The following EYS variants were observed in gnomAD, a reference collection of about 807,000 sequenced individuals.
EYS encodes the protein protein eyes shut homolog.
EYS carries 250 observed loss-of-function variants against 282.1 expected under a neutral mutation model. The observed-to-expected ratio is 0.89, with a 90% confidence interval of 0.80 to 0.98. The LOEUF (loss-of-function observed/expected upper bound fraction) is 0.98. EYS is among the 50% of genes least tolerant of loss of function. The pLI is 0.00. For synonymous variants in EYS, 1,355 were observed against 1,282.9 expected (o/e 1.06, Z -1.20); for missense variants, 4,016 against 3,709.0 (o/e 1.08, Z -2.15).
At chr6:64,410,534 T>C (rs1270530355) in intron 28 of EYS, among the ~76,000 whole-genome samples, 1 of 152,192 alleles carries the variant, frequency 6.6e-6, no homozygotes, top group Non-Finnish European at 1.5e-5. Flanking sequence ...TGGATTTAAA[T>C]GAAAACTAAA....
intron 5 of EYS, among the ~76,000 whole-genome samples, chr6:65,481,325 T>C (rs994104204): frequency 1.1e-4 from 16 of 144,992 alleles, no homozygotes; most frequent in Admixed American, 5.7e-4. Flanking sequence ...TTGGCATATA[T>C]GTATATCTGT....
chr6:64,170,616 G>A (rs1335150840), intron 31 of EYS, among the ~76,000 whole-genome samples: 1 of 150,096 alleles, frequency 6.7e-6, no homozygotes, highest in African/African-American at 2.5e-5. Flanking sequence ...TCTCCTTATA[G>A]CAGCACCAGT....
chr6:65,496,539 TA>T lies in EYS; in HGVS notation c.-332-547del, dbSNP rs1766264567. On this transcript the variant is annotated intron_variant, in intron 2 of 42. Coordinates refer to ENST00000503581, the MANE Select transcript of EYS (RefSeq NM_001142800.2). ...AAAAACGTGTTCTTTGGATCTCAGT[TA>T]TGTTATTCATTTGTTTAATGTCCTT... is the stretch of plus-strand genomic sequence containing the variant. Among the ~76,000 whole-genome samples, 9 of 152,216 alleles carry T rather than the reference TA, an allele frequency of 5.9e-5. No homozygotes were observed. The South Asian group carries it at 1.9e-3, about 32-fold the overall frequency.
At chr6:64,207,606 G>A (rs1198690362) in intron 31 of EYS, among the ~76,000 whole-genome samples, 1 of 152,100 alleles carries the variant, frequency 6.6e-6, no homozygotes, top group Non-Finnish European at 1.5e-5. Context: ...GGAAGAAAAT[G>A]GGCTCTTTTT....
chr6:63,788,990 C>A (rs937666676), intron 38 of EYS, 68 bp downstream of exon 38: 33 of 1,482,076 alleles, frequency 2.2e-5, no homozygotes, highest in African/African-American at 2.8e-5. Flanking sequence ...ACCTCTGTAT[C>A]TTAGCACAGA....
At chr6:64,344,333 G>A (rs1442350782) in intron 29 of EYS, among the ~76,000 whole-genome samples, 1 of 151,786 alleles carries the variant, frequency 6.6e-6, no homozygotes, top group Admixed American at 6.6e-5. Context: ...ACCGAATCCA[G>A]CAGCACATCA....
intron 32 of EYS, among the ~76,000 whole-genome samples, chr6:64,080,616 C>T (rs1771932655): frequency 6.6e-6 from 1 of 152,168 alleles, no homozygotes; most frequent in South Asian, 2.1e-4. Context: ...GTGTTTTAGA[C>T]ATGAAGTCCT....
chr6:65,132,470 A>T (rs1412898303), intron 12 of EYS, among the ~76,000 whole-genome samples: 1 of 152,118 alleles, frequency 6.6e-6, no homozygotes, highest in Non-Finnish European at 1.5e-5. Flanking sequence ...CCATGTGATT[A>T]TCTCAATAGA....
At chr6:63,882,602 A>G (rs1423571977) in intron 35 of EYS, among the ~76,000 whole-genome samples, 2 of 152,316 alleles carry the variant, frequency 1.3e-5, no homozygotes, top group South Asian at 2.1e-4. Flanking sequence ...TGAGTTTGCA[A>G]TCTAGATGGT....
At chr6:65,216,471 A>C (rs1434855836) in intron 12 of EYS, among the ~76,000 whole-genome samples, 4 of 151,964 alleles carry the variant, frequency 2.6e-5, no homozygotes, top group African/African-American at 7.2e-5. Flanking sequence ...AAATATATTT[A>C]ATTTACCAAA....
intron 21 of EYS, 58 bp downstream of exon 21, chr6:64,821,587 G>A (rs1450127408): frequency 2.2e-6 from 2 of 899,964 alleles, no homozygotes; most frequent in Non-Finnish European, 3.4e-6. Flanking sequence ...CAAGCAATTT[G>A]ATTTTTCTTT....
At chr6:64,729,098 C>T (rs1236756876) in intron 22 of EYS, 1 of 152,272 alleles carries the variant, frequency 6.6e-6, no homozygotes, top group Non-Finnish European at 1.5e-5. Flanking sequence ...GAAGAGTGGG[C>T]CATAGGTGGT....
At chr6:65,245,239 C>G (rs1224331357) in intron 12 of EYS, among the ~76,000 whole-genome samples, 4 of 152,132 alleles carry the variant, frequency 2.6e-5, no homozygotes, top group Admixed American at 1.3e-4. Flanking sequence ...ACGTAACTAG[C>G]AAATGGAATT....
chr6:64,457,410 T>C (rs1415039759), intron 26 of EYS, among the ~76,000 whole-genome samples: 1 of 152,036 alleles, frequency 6.6e-6, no homozygotes, highest in Non-Finnish European at 1.5e-5. Context: ...AGTTTCATGA[T>C]CATTTTCTGA....
intron 12 of EYS, among the ~76,000 whole-genome samples, chr6:65,231,168 TA>T (rs1766772734): frequency 6.9e-6 from 1 of 145,308 alleles, no homozygotes; most frequent in East Asian, 2.0e-4. Context: ...TTTATATATA[TA>T]TTTTATATAT....
intron 29 of EYS, among the ~76,000 whole-genome samples, chr6:64,385,111 T>C (rs1461764620): frequency 1.3e-5 from 2 of 152,148 alleles, no homozygotes; most frequent in African/African-American, 4.8e-5. Flanking sequence ...CAGAACACAA[T>C]GATTAGATAG....
intron 32 of EYS, 55 bp from the exon 33 acceptor site, chr6:64,066,546 TAAC>T: frequency 8.3e-7 from 1 of 1,200,162 alleles, no homozygotes; most frequent in Non-Finnish European, 1.2e-6. Flanking sequence ...TTTTATTGGT[TAAC>T]AATAATTAAA....
At position 63,772,781 on chromosome 6, in the gene EYS, G is replaced by T. The variant is rs1769964383; in HGVS notation, c.7898+5225C>A. Among the ~76,000 whole-genome samples, 4 of 151,968 alleles carry T rather than the reference G, an allele frequency of 2.6e-5. No homozygotes were observed. In the South Asian group the frequency reaches 8.3e-4, roughly 32 times the overall value. Reference sequence around the variant, plus strand: ...AATAAAAACTGTAAAGCAAATTATAGTTAGAAAGTCTAGCTTTTATCCTTT... The same window carrying T: ...AATAAAAACTGTAAAGCAAATTATATTTAGAAAGTCTAGCTTTTATCCTTT... On this transcript the variant is annotated intron_variant, in intron 40 of 42. Coordinates refer to ENST00000503581, the MANE Select transcript of EYS (RefSeq NM_001142800.2).
intron 28 of EYS, among the ~76,000 whole-genome samples, chr6:64,432,802 G>C (rs887930457): frequency 6.6e-6 from 1 of 151,852 alleles, no homozygotes; most frequent in Non-Finnish European, 1.5e-5. Context: ...TTTGCATTTT[G>C]CTTCATGACA....
Sources: gnomAD v4.1 joint callset for allele counts (sites outside exome capture counted in the v4.1 genomes callset) on GRCh38, gnomAD v4.1.1 for gene constraint, MANE v1.5 for transcripts, NCBI Gene and HGNC (gene_info 2026-07-23, HGNC 2026-07-21) for gene names.